The following TAF1 variants were observed in gnomAD, a reference collection of about 807,000 sequenced individuals.
The protein encoded by TAF1 is TATA-box binding protein associated factor 1.
TAF1 carries 2 observed loss-of-function variants against 138.5 expected under a neutral mutation model. That is an observed-to-expected ratio of 0.01 (90% CI 0.01 to 0.05). TAF1 has a LOEUF of 0.05. TAF1 is among the 10% of genes least tolerant of loss of function. TAF1 has a pLI of 1.00. For synonymous variants in TAF1, 437 were observed against 503.2 expected (o/e 0.87, Z 1.76); for missense variants, 709 against 1,478.0 (o/e 0.48, Z 8.53).
intron 13 of TAF1, among the ~76,000 whole-genome samples, chrX:71,472,983 T>C (rs2038916895): frequency 8.9e-6 from 1 of 112,396 alleles, no homozygotes; most frequent in East Asian, 2.8e-4. Flanking sequence ...CGAACTTCAC[T>C]ACAACTTTGA....
intron 32 of TAF1, among the ~76,000 whole-genome samples, chrX:71,452,941 A>G (rs1379062696): frequency 1.8e-5 from 2 of 112,130 alleles, no homozygotes; most frequent in South Asian, 7.4e-4. Flanking sequence ...CGCGCCTGCA[A>G]TCGCAGGCAC....
chrX:71,452,755 C>T (rs1193671324), intron 32 of TAF1, among the ~76,000 whole-genome samples: 1 of 112,121 alleles, frequency 8.9e-6, no homozygotes, highest in Non-Finnish European at 1.9e-5. Context: ...CGCCACTGCA[C>T]TCCAGCCTGG....
At chrX:71,399,628 A>G (rs1264902159) in intron 24 of TAF1, among the ~76,000 whole-genome samples, 2 of 93,501 alleles carry the variant, frequency 2.1e-5, no homozygotes, top group African/African-American at 4.1e-5. Flanking sequence ...CTGGAGTGCA[A>G]TGGCGCAATC....
chrX:71,379,385 G>T (rs1438026903), intron 8 of TAF1, among the ~76,000 whole-genome samples: 3 of 109,167 alleles, frequency 2.7e-5, no homozygotes, highest in Non-Finnish European at 5.7e-5. Flanking sequence ...AAAGTGCTGG[G>T]ATTACAGGTG....
At chrX:71,403,450 A>T (rs2035287621) in intron 25 of TAF1, among the ~76,000 whole-genome samples, 1 of 112,318 alleles carries the variant, frequency 8.9e-6, no homozygotes, top group African/African-American at 3.2e-5. Flanking sequence ...TGTTGTTGGC[A>T]AGACATTTAA....
In TAF1 at chrX:71,528,197, G is replaced by GA. The variant is rs1310695429; in HGVS notation, c.1367-338dup. On this transcript the variant is annotated intron_variant and NMD_transcript_variant, in intron 13 of 14. Transcript: ENST00000373775. ...CAGTCATTATGGCTATCTGGGACAA[G>GA]AAAAAAACCATCTAGCACATTTGCT... The GA allele has an allele frequency of 6.0e-5, 13 of 215,708 alleles. No homozygotes were observed. The East Asian group carries it at 8.2e-4, about 14-fold the overall frequency. The allele number at this position is 215,708 out of a possible 1,213,427, so 17.8% of individuals were successfully genotyped here.
intron 22 of TAF1, among the ~76,000 whole-genome samples, chrX:71,396,269 TC>T (rs1303437523): frequency 1.9e-5 from 2 of 107,047 alleles, no homozygotes; most frequent in Admixed American, 1.0e-4. Context: ...AGTGCCATTT[TC>T]CCCCCCGAGT....
At position 71,398,596 on chromosome X, in the gene TAF1, A is replaced by G. The variant is rs1044968118; in HGVS notation, c.3645A>G (p.Glu1215=). ...EFIRKFALFD[E]QHREEMRKER... is the part of the protein sequence containing the mutation. ...GTCGAAAATTTGCCCTTTTTGATGA[A>G]CAACATCGGGAAGAGATGCGAAAAG... Residue 1215 remains glutamate (E), a synonymous_variant, in exon 24 of 38, where the codon GAA becomes GAG. Transcript: ENST00000423759. 8.3e-7 allele frequency: 1 copy of G among 1,209,214 alleles called. No homozygotes were observed. Among genetic ancestry groups the G allele is most frequent in the Non-Finnish European group, 1.1e-6 (1 of 895,162 alleles).
chrX:71,420,550 A>T (rs1440710564), intron 28 of TAF1: 28 of 1,207,069 alleles, frequency 2.3e-5, no homozygotes, highest in Non-Finnish European at 3.1e-5. Flanking sequence ...CTGGAGGTGG[A>T]CTCATACTCA....
Position 71,368,021 on chromosome X carries a change from CTGT to C in TAF1, c.236-27_236-25del, listed in dbSNP as rs775345181. On this transcript the variant is annotated intron_variant, in intron 2 of 37. Transcript: ENST00000423759. ...TATCTGAGGGAGTGAGGGTCGCTTA[CTGT>C]TGTTGCGATTCTCCCTGCTTTTTTC... The C allele has an allele frequency of 6.5e-5, 76 of 1,170,873 alleles. No individual in the cohort carries two copies. The Admixed American group carries it at 1.5e-3, about 24-fold the overall frequency.
At chrX:71,483,988 A>G (rs2039127403) in intron 13 of TAF1, among the ~76,000 whole-genome samples, 1 of 109,558 alleles carries the variant, frequency 9.1e-6, no homozygotes, top group South Asian at 3.9e-4. Flanking sequence ...TGATTCACCA[A>G]TCTTTATTCA....
intron 15 of TAF1, 48 bp downstream of exon 15, chrX:71,387,509 T>C: frequency 8.4e-7 from 1 of 1,190,530 alleles, no homozygotes; most frequent in South Asian, 1.8e-5. Context: ...ACAGAAAGGG[T>C]ATGTTGGGGC....
At chrX:71,375,396 T>C in intron 4 of TAF1, 110 bp downstream of exon 4, 2 of 992,988 alleles carry the variant, frequency 2.0e-6, no homozygotes, top group East Asian at 6.8e-5. Flanking sequence ...GGGACAAAAC[T>C]TCTAGAAATA....
chrX:71,409,032 G>A (rs1381664225), intron 28 of TAF1, among the ~76,000 whole-genome samples: 1 of 109,446 alleles, frequency 9.1e-6, no homozygotes, highest in Non-Finnish European at 1.9e-5. Flanking sequence ...AAAAAAAAGA[G>A]AGAGAGACGT....
At chrX:71,458,934 C>T in intron 35 of TAF1, among the ~76,000 whole-genome samples, 1 of 110,988 alleles carries the variant, frequency 9.0e-6, no homozygotes, top group Non-Finnish European at 1.9e-5. Context: ...TAAGAGTAGA[C>T]TAAGAGCCTT....
At chrX:71,498,491 T>C (rs1407226913) in intron 13 of TAF1, among the ~76,000 whole-genome samples, 4 of 112,076 alleles carry the variant, frequency 3.6e-5, no homozygotes, top group Non-Finnish European at 5.6e-5. Flanking sequence ...ATTTTCTTAC[T>C]AAGCCTTAAG....
chrX:71,507,078 G>C (rs2039641792), intron 13 of TAF1, among the ~76,000 whole-genome samples: 1 of 112,065 alleles, frequency 8.9e-6, no homozygotes, highest in South Asian at 3.7e-4. Flanking sequence ...AGGGAGGACT[G>C]GGGAATGACT....
rs765597330 is a variant in TAF1, at chrX:71,367,264, G to T, written c.121-235G>T. ...GTTATTTGATTCGTCTTCTCTTGTA[G>T]TATACTTTAAAGTGTGGGCGATGCA... On this transcript the variant is annotated intron_variant, in intron 1 of 37. Transcript: ENST00000423759. Among the ~76,000 whole-genome samples, 54 of 112,275 alleles carry T rather than the reference G, an allele frequency of 4.8e-4. No homozygotes were observed. The highest frequency in any genetic ancestry group is 1.7e-3 in the African/African-American group (53 of 30,770).
At chrX:71,372,494 G>GT (rs2033141773) in intron 3 of TAF1, among the ~76,000 whole-genome samples, 1 of 101,048 alleles carries the variant, frequency 9.9e-6, no homozygotes, top group Admixed American at 1.1e-4. Context: ...TACTGATAAA[G>GT]TATCGTAGGA....
Sources: allele counts gnomAD v4.1 joint callset (sites outside exome capture counted in the v4.1 genomes callset), GRCh38; gene constraint gnomAD v4.1.1; transcripts MANE v1.5; gene names NCBI Gene and HGNC (gene_info 2026-07-23, HGNC 2026-07-21).